The following PIK3R4 variants were observed in gnomAD, a reference collection of about 807,000 sequenced individuals.
PIK3R4 encodes phosphoinositide-3-kinase regulatory subunit 4.
A neutral mutation model predicts 136.5 loss-of-function variants in PIK3R4; 46 were observed. The ratio of observed to expected loss-of-function variants is 0.34; its 90% CI spans 0.27 to 0.43. The LOEUF is 0.43. Ranked by LOEUF, PIK3R4 falls within the 20% of genes least tolerant of loss-of-function variation. The pLI is 1.00. For synonymous variants in PIK3R4, 557 were observed against 566.7 expected (o/e 0.98, Z 0.24); for missense variants, 1,331 against 1,649.5 (o/e 0.81, Z 3.35).
rs780045556 is a variant in PIK3R4 at position 130,745,263 on chromosome 3, A to G, written c.-45T>C. 1 of 1,504,714 alleles carries G rather than the reference A, an allele frequency of 6.6e-7. No homozygotes were observed. Among genetic ancestry groups the G allele is most frequent in the African/African-American group, 1.4e-5 (1 of 71,454 alleles). The allele number at this position is 1,504,714 out of a possible 1,614,324, so 93.2% of individuals were successfully genotyped here. On this transcript the variant is annotated splice_region_variant and 5_prime_UTR_variant, in exon 2 of 20. Coordinates refer to ENST00000356763, the MANE Select transcript of PIK3R4 (RefSeq NM_014602.3). ...GTCTTTAGTAAGGTTAGGATATAATACCTGTTTAAAATAAAAACAAATGAA... is the reference window on the plus strand; with the variant it reads ...GTCTTTAGTAAGGTTAGGATATAATGCCTGTTTAAAATAAAAACAAATGAA...
chr3:130,693,511 C>T (rs2066530031), intron 13 of PIK3R4, among the ~76,000 whole-genome samples: 1 of 152,140 alleles, frequency 6.6e-6, no homozygotes, highest in Non-Finnish European at 1.5e-5. Flanking sequence ...GAAGGAGTAT[C>T]TCACTGTGGT....
In PIK3R4 at chr3:130,705,674, C is replaced by T. The variant is rs1233815213; in HGVS notation, c.2819G>A (p.Cys940Tyr). The change falls in exon 12 of 20, where the codon TGT (cysteine) becomes TAT (tyrosine). Residue 940 changes from cysteine to tyrosine, a missense_variant. Cys to Tyr is a radical substitution (Grantham distance 194). Transcript: ENST00000356763. ...PSTYQIRITT[C>Y]KTELQQLIQQ... ...GATGAGTTGCTGAAGTTCAGTTTTA[C>T]AAGTTGTAATTCGAATCTGATAGGT... 1 of 1,612,486 alleles carries T rather than the reference C, an allele frequency of 6.2e-7. No individual in the cohort carries two copies. Among genetic ancestry groups the T allele is most frequent in the South Asian group, 1.1e-5 (1 of 91,050 alleles).
At chr3:130,746,193 T>G (rs996053729) in intron 1 of PIK3R4, 125 bp downstream of exon 1, 6 of 152,106 alleles carry the variant, frequency 3.9e-5, no homozygotes. Flanking sequence ...GCCACAGATG[T>G]TAAAGAAAAG....
chr3:130,698,552 C>G (rs570161670), intron 13 of PIK3R4, among the ~76,000 whole-genome samples: 1 of 152,228 alleles, frequency 6.6e-6, no homozygotes, highest in South Asian at 2.1e-4. Context: ...ATTTCTATCT[C>G]TTTATTGATA....
In PIK3R4 at chr3:130,690,329, TA is replaced by T. The variant is rs2107601739; in HGVS notation, c.3263+160del. Among the ~76,000 whole-genome samples the T allele has an allele frequency of 2.6e-5, 4 of 151,448 alleles. No homozygotes were observed. The South Asian group carries it at 8.3e-4, about 31-fold the overall frequency. On this transcript the variant is annotated intron_variant, in intron 14 of 19. Coordinates refer to ENST00000356763, the MANE Select transcript of PIK3R4 (RefSeq NM_014602.3). ...CAGTTTTGAGCTGGAAGCACATTTT[TA>T]AAATTTTATTTATTTATTTATTTAT... is the stretch of plus-strand genomic sequence containing the variant.
chr3:130,720,254 G>A (rs1207858881), intron 7 of PIK3R4, among the ~76,000 whole-genome samples: 1 of 151,854 alleles, frequency 6.6e-6, no homozygotes, highest in African/African-American at 2.4e-5. Flanking sequence ...GGAGTGCAAT[G>A]GCACGATCTC....
Position 130,690,384 on chromosome 3 carries a change from G to A in PIK3R4, c.3263+106C>T, listed in dbSNP as rs1217959661. The A allele has an allele frequency of 1.2e-5, 6 of 509,442 alleles. No individual in the cohort carries two copies. The South Asian group carries it at 3.2e-4, about 27-fold the overall frequency. 31.6% of individuals were successfully genotyped at this position (509,442 alleles called of 1,614,324 possible). A position where few individuals can be genotyped will look rare whatever the true frequency, so the allele number is the denominator to read the frequency against. The stretch of plus-strand genomic sequence containing the variant: ...ATGGGCTTAAAAAAAGAAGTGCAAT[G>A]TAAGAGGCCCTTAGTTGATCCCAAC... On this transcript the variant is annotated intron_variant, in intron 14 of 19. Coordinates refer to ENST00000356763, the MANE Select transcript of PIK3R4 (RefSeq NM_014602.3).
At chr3:130,723,062 C>CAA (rs61129038) in intron 7 of PIK3R4, among the ~76,000 whole-genome samples, 271 of 19,502 alleles carry the variant, frequency 0.014, 14 homozygotes, top group East Asian at 0.019. Flanking sequence ...GAGACTGTCG[C>CAA]AAAAAAAAAA....
At chr3:130,714,996 G>C (rs1367650809) in intron 9 of PIK3R4, among the ~76,000 whole-genome samples, 1 of 151,888 alleles carries the variant, frequency 6.6e-6, no homozygotes, top group Non-Finnish European at 1.5e-5. Context: ...TGGTATTTCT[G>C]GTTCTAGACC....
chr3:130,736,991 C>T (rs2066789625), intron 2 of PIK3R4, among the ~76,000 whole-genome samples: 1 of 152,154 alleles, frequency 6.6e-6, no homozygotes. Context: ...TCCAAAAGGA[C>T]AACACAGTTT....
At chr3:130,736,160 AG>A (rs1437130799) in intron 2 of PIK3R4, among the ~76,000 whole-genome samples, 158 bp from the exon 3 acceptor site, 3 of 152,258 alleles carry the variant, frequency 2.0e-5, no homozygotes, top group Admixed American at 1.3e-4. Context: ...TCAAGCTGAC[AG>A]GGAAAATGTC....
At chr3:130,707,407 A>G (rs1218412068) in intron 10 of PIK3R4, among the ~76,000 whole-genome samples, 1 of 152,190 alleles carries the variant, frequency 6.6e-6, no homozygotes, top group Non-Finnish European at 1.5e-5. Flanking sequence ...CTCAATTTCA[A>G]GTAACCACTA....
chr3:130,713,923 C>A (rs2066646217), intron 9 of PIK3R4, among the ~76,000 whole-genome samples: 1 of 152,136 alleles, frequency 6.6e-6, no homozygotes, highest in Non-Finnish European at 1.5e-5. Context: ...CTGCCCGCCT[C>A]AGCCTCCCAA....
intron 7 of PIK3R4, among the ~76,000 whole-genome samples, chr3:130,723,086 A>AAAAAAAAAAAAAAAAAAAAAAAAAAAAAG (rs2066711731): frequency 6.8e-6 from 1 of 146,604 alleles, no homozygotes; most frequent in Non-Finnish European, 1.5e-5. Flanking sequence ...AAAAAAAAAA[A>AAAAAAAAAAAAAAAAAAAAAAAAAAAAAG]AAAAAAAAAA....
intron 13 of PIK3R4, among the ~76,000 whole-genome samples, chr3:130,699,534 G>A (rs370776484): frequency 2.2e-4 from 34 of 152,262 alleles, no homozygotes; most frequent in East Asian, 1.4e-3. Flanking sequence ...AGTTAAGGAC[G>A]ACATGGCTCA....
intron 13 of PIK3R4, among the ~76,000 whole-genome samples, chr3:130,701,706 T>C (rs1370547311): frequency 6.6e-6 from 1 of 152,118 alleles, no homozygotes; most frequent in Non-Finnish European, 1.5e-5. Context: ...ATTTAAGATC[T>C]GTGTACTTCA....
chr3:130,703,613 A>T, intron 13 of PIK3R4, 110 bp downstream of exon 13: 1 of 733,108 alleles, frequency 1.4e-6, no homozygotes, highest in Admixed American at 2.5e-5. Context: ...TTGTCCATTT[A>T]TTGTTGCTGT....
chr3:130,716,488 T>A lies in PIK3R4; in HGVS notation c.2239A>T (p.Met747Leu). Residue 747 changes from methionine (M) to leucine (L), a missense_variant, in exon 9 of 20, where the codon ATG (methionine) becomes TTG (leucine). By Grantham distance (15) the Met-to-Leu change is conservative. Around this residue, in one of 2 missense-constraint regions of PIK3R4, gnomAD observed 1,180 missense variants for 1,407.0 expected, o/e 0.84. Coordinates refer to ENST00000356763, the MANE Select transcript of PIK3R4 (RefSeq NM_014602.3). ...GAACCATTTCGTTTCTTCTGACGCA[T>A]GTGAAGATGTCTGAACAAGCTAGTA... is the stretch of plus-strand genomic sequence containing the variant. ...DITSLFRHLH[M>L]RQKKRNGSLP... The A allele has an allele frequency of 6.2e-7, 1 of 1,614,088 alleles. No homozygotes were observed. Among genetic ancestry groups the A allele is most frequent in the Non-Finnish European group, 8.5e-7 (1 of 1,179,936 alleles).
chr3:130,704,949 G>A (rs925916180), intron 12 of PIK3R4, among the ~76,000 whole-genome samples: 14 of 152,026 alleles, frequency 9.2e-5, no homozygotes, highest in Admixed American at 2.6e-4. Flanking sequence ...TCTTGCCTTA[G>A]CCTCCGGAGT....
Sources: gnomAD v4.1 joint callset for allele counts (sites outside exome capture counted in the v4.1 genomes callset) on GRCh38, gnomAD v4.1.1 for gene constraint, gnomAD v4.1.1 regional missense constraint, MANE v1.5 for transcripts, NCBI Gene and HGNC (gene_info 2026-07-23, HGNC 2026-07-21) for gene names.